ANKH: variants seen among roughly 807,000 people sequenced by gnomAD.
The protein encoded by ANKH is ANKH inorganic pyrophosphate transport regulator, also known as mineralization regulator ANKH.
Under a neutral mutation model 49.0 loss-of-function variants are expected in ANKH, and 15 were observed. The ratio of observed to expected loss-of-function variants is 0.31; its 90% CI spans 0.20 to 0.47. The LOEUF is 0.47. Among genes scored for constraint, ANKH ranks in the 20% least tolerant of loss-of-function variants. The probability of loss-of-function intolerance (pLI) is 1.00; values close to 1 mark genes in which losing one functional copy is unlikely to be tolerated. For missense variants in ANKH, 429 were observed against 652.0 expected (o/e 0.66, Z 3.72); for synonymous variants, 273 against 260.0 (o/e 1.05, Z -0.48).
At chr5:14,851,442 T>C (rs963885702) in intron 1 of ANKH, among the ~76,000 whole-genome samples, 30 of 152,340 alleles carry the variant, frequency 2.0e-4, no homozygotes, top group African/African-American at 6.0e-4. Context: ...ACTCTTTTTA[T>C]GGCTGGGGTC....
intron 8 of ANKH, among the ~76,000 whole-genome samples, chr5:14,720,001 TAAG>T (rs1737610746): frequency 6.6e-6 from 1 of 152,182 alleles, no homozygotes; most frequent in South Asian, 2.1e-4. Context: ...TAAAATGAAT[TAAG>T]AACAGAACAC....
chr5:14,754,063 G>A (rs1215012174), intron 4 of ANKH, among the ~76,000 whole-genome samples: 1 of 152,196 alleles, frequency 6.6e-6, no homozygotes, highest in African/African-American at 2.4e-5. Flanking sequence ...CCAAATTGTG[G>A]CAGGAACTCA....
chr5:14,753,003 A>T (rs1738769012), intron 4 of ANKH, among the ~76,000 whole-genome samples: 1 of 152,198 alleles, frequency 6.6e-6, no homozygotes. Context: ...TGTGAGTGTG[A>T]CAGGACAAGG....
intron 1 of ANKH, among the ~76,000 whole-genome samples, chr5:14,783,800 A>G (rs1739888189): frequency 6.6e-6 from 1 of 152,220 alleles, no homozygotes; most frequent in Non-Finnish European, 1.5e-5. Context: ...GGGAAAATGA[A>G]TTCATTTTTA....
intron 1 of ANKH, chr5:14,868,953 C>T (rs1294861664): frequency 1.3e-5 from 2 of 152,104 alleles, no homozygotes; most frequent in African/African-American, 2.4e-5. Flanking sequence ...TTTGTACTCC[C>T]GTGCTACCTC....
intron 1 of ANKH, among the ~76,000 whole-genome samples, chr5:14,804,469 G>A (rs1319127402): frequency 1.3e-5 from 2 of 152,170 alleles, no homozygotes; most frequent in Non-Finnish European, 2.9e-5. Flanking sequence ...AGTGTTGAAC[G>A]GCAGAATGAA....
intron 1 of ANKH, among the ~76,000 whole-genome samples, chr5:14,844,917 TG>T (rs1741913299): frequency 6.6e-6 from 1 of 152,188 alleles, no homozygotes; most frequent in African/African-American, 2.4e-5. Context: ...GCCATAGGGT[TG>T]GTATCAACTT....
intron 11 of ANKH, among the ~76,000 whole-genome samples, 198 bp from the exon 12 acceptor site, chr5:14,711,508 G>A (rs544390259): frequency 6.6e-6 from 1 of 152,164 alleles, no homozygotes; most frequent in African/African-American, 2.4e-5. Context: ...TGTGCCTGCT[G>A]TGTGCCTGGC....
chr5:14,757,427 T>TAAAAA (rs1193475385), intron 3 of ANKH, among the ~76,000 whole-genome samples: 168 of 132,626 alleles, frequency 1.3e-3, no homozygotes, highest in African/African-American at 4.8e-3. Flanking sequence ...TATATATATA[T>TAAAAA]ATATTTTTTT....
At chr5:14,760,501 A>G (rs564781300) in intron 2 of ANKH, among the ~76,000 whole-genome samples, 1 of 152,334 alleles carries the variant, frequency 6.6e-6, no homozygotes, top group African/African-American at 2.4e-5. Flanking sequence ...TGGGTGCCGA[A>G]CTGTGGAAAT....
intron 1 of ANKH, among the ~76,000 whole-genome samples, chr5:14,844,322 C>T (rs751695059): frequency 3.9e-5 from 6 of 152,216 alleles, no homozygotes; most frequent in Non-Finnish European, 2.9e-5. Context: ...TGCCAAGTTT[C>T]TCTGACCCTA....
At chr5:14,741,300 G>A (rs1345224777) in intron 8 of ANKH, 1 of 160,190 alleles carries the variant, frequency 6.2e-6, no homozygotes, top group Non-Finnish European at 1.4e-5. Flanking sequence ...CTTTGCTGCT[G>A]ACACAGTGTC....
intron 2 of ANKH, among the ~76,000 whole-genome samples, chr5:14,763,075 C>G (rs1561043933): frequency 6.6e-6 from 1 of 152,228 alleles, no homozygotes; most frequent in Non-Finnish European, 1.5e-5. Context: ...GCCATGGGCT[C>G]TTTCTGAATC....
intron 1 of ANKH, among the ~76,000 whole-genome samples, chr5:14,843,721 C>T (rs1741879359): frequency 6.6e-6 from 1 of 152,120 alleles, no homozygotes; most frequent in Non-Finnish European, 1.5e-5. Flanking sequence ...CCCTAACAAC[C>T]TTCCACTTAC....
At chr5:14,733,698 T>C (rs940385748) in intron 8 of ANKH, among the ~76,000 whole-genome samples, 1 of 152,224 alleles carries the variant, frequency 6.6e-6, no homozygotes, top group African/African-American at 2.4e-5. Context: ...TTTGCTGGGC[T>C]CCCTGCCTGC....
chr5:14,838,508 A>G (rs1393653106), intron 1 of ANKH, among the ~76,000 whole-genome samples: 1 of 152,088 alleles, frequency 6.6e-6, no homozygotes, highest in African/African-American at 2.4e-5. Flanking sequence ...AGTCTCTTGG[A>G]CTCAAGGGGT....
At chr5:14,800,454 T>G (rs1740534104) in intron 1 of ANKH, among the ~76,000 whole-genome samples, 1 of 152,208 alleles carries the variant, frequency 6.6e-6, no homozygotes, top group African/African-American at 2.4e-5. Flanking sequence ...AAGAGTCAAC[T>G]GATGTGGCAA....
chr5:14,870,005 T>C (rs1735769028), intron 1 of ANKH: 1 of 151,662 alleles, frequency 6.6e-6, no homozygotes, highest in South Asian at 2.1e-4. Flanking sequence ...AGTCACCAGT[T>C]ACTATAGAAA....
intron 1 of ANKH, among the ~76,000 whole-genome samples, chr5:14,806,380 G>A (rs1740710946): frequency 6.6e-6 from 1 of 151,684 alleles, no homozygotes; most frequent in African/African-American, 2.4e-5. Flanking sequence ...TAAAACAACA[G>A]ACTTTAATGC....
Sources: gnomAD v4.1 joint callset for allele counts (sites outside exome capture counted in the v4.1 genomes callset) on GRCh38, gnomAD v4.1.1 for gene constraint, MANE v1.5 for transcripts, NCBI Gene and HGNC (gene_info 2026-07-23, HGNC 2026-07-21) for gene names.